ZFHX3: variants seen among roughly 807,000 people sequenced by gnomAD.
ZFHX3 encodes zinc finger homeobox 3.
ZFHX3 carries 42 observed loss-of-function variants against 279.1 expected under a neutral mutation model. The observed-to-expected ratio is 0.15, with a 90% CI of 0.12 to 0.19. The LOEUF is 0.19. Among genes scored for constraint, ZFHX3 ranks in the 10% least tolerant of loss-of-function variants. The probability of loss-of-function intolerance (pLI) is 1.00; values close to 1 mark genes in which losing one functional copy is unlikely to be tolerated. For synonymous variants in ZFHX3, 2,293 were observed against 1,957.8 expected, an observed-to-expected ratio of 1.17 and a Z score of -4.52; for missense variants, 4,981 against 4,754.0, an observed-to-expected ratio of 1.05 and a Z score of -1.40.
chr16:72,940,686 G>C lies in ZFHX3; in HGVS notation c.3216+9783C>G, dbSNP rs532414522. On this transcript the variant is annotated intron_variant, in intron 3 of 9. Coordinates refer to ENST00000268489, the MANE Select transcript of ZFHX3 (RefSeq NM_006885.4). ...ACCCCTTCAGCAACCCCAGTGCACA[G>C]GCCGGCCCTGCCAAGGCAATGTGGG... Among the ~76,000 whole-genome samples, 276 of 152,352 alleles carry C rather than the reference G, an allele frequency of 1.8e-3. 1 individual carries two copies. The highest frequency in any genetic ancestry group is 6.2e-3 in the African/African-American group (256 of 41,590).
At chr16:72,792,947 G>A (rs1346873007) in intron 9 of ZFHX3, among the ~76,000 whole-genome samples, 2 of 152,194 alleles carry the variant, frequency 1.3e-5, no homozygotes, top group Non-Finnish European at 2.9e-5. Flanking sequence ...GAATGAAAGG[G>A]TCTATGATAA....
intron 5 of ZFHX3, among the ~76,000 whole-genome samples, chr16:73,186,729 C>T (rs1054688370): frequency 2.2e-4 from 33 of 151,894 alleles, no homozygotes; most frequent in African/African-American, 7.0e-4. Flanking sequence ...AAAGTTGTTA[C>T]ACAAGTTAAA....
intron 2 of ZFHX3, among the ~76,000 whole-genome samples, chr16:73,481,226 G>A (rs1441612359): frequency 6.6e-6 from 1 of 152,078 alleles, no homozygotes; most frequent in Non-Finnish European, 1.5e-5. Context: ...CTACTTGGAA[G>A]GCTGAGACAG....
At chr16:73,502,618 C>A (rs904297338) in intron 2 of ZFHX3, among the ~76,000 whole-genome samples, 1 of 152,188 alleles carries the variant, frequency 6.6e-6, no homozygotes, top group Non-Finnish European at 1.5e-5. Context: ...GAGAACCACA[C>A]TAAAGTAAGC....
At chr16:73,711,259 C>A (rs2053359982) in intron 1 of ZFHX3, among the ~76,000 whole-genome samples, 1 of 150,268 alleles carries the variant, frequency 6.7e-6, no homozygotes, top group Non-Finnish European at 1.5e-5. Context: ...GAGAGGTGGG[C>A]CAAAAAAAAA....
chr16:72,892,208 G>A (rs2038789874), intron 3 of ZFHX3, among the ~76,000 whole-genome samples: 1 of 152,186 alleles, frequency 6.6e-6, no homozygotes, highest in Non-Finnish European at 1.5e-5. Flanking sequence ...TCATGGGAGG[G>A]GGGTTGAAGC....
chr16:73,016,641 A>G (rs547243392), intron 1 of ZFHX3, among the ~76,000 whole-genome samples: 1 of 152,258 alleles, frequency 6.6e-6, no homozygotes, highest in East Asian at 1.9e-4. Flanking sequence ...ATGTCACCAT[A>G]TGACTAATTT....
intron 2 of ZFHX3, among the ~76,000 whole-genome samples, chr16:73,518,761 C>T (rs143202199): frequency 1.3e-5 from 2 of 152,244 alleles, no homozygotes; most frequent in Admixed American, 6.5e-5. Context: ...CCCGTTCTGC[C>T]GTATTGCCTG....
intron 5 of ZFHX3, among the ~76,000 whole-genome samples, chr16:73,154,047 T>A (rs1967013436): frequency 6.6e-6 from 1 of 152,108 alleles, no homozygotes; most frequent in African/African-American, 2.4e-5. Context: ...TCTGCAGAGA[T>A]TCTGGCTGTC....
chr16:72,958,249 C>A lies in ZFHX3; in HGVS notation c.1897G>T (p.Glu633Ter). 1.9e-6 allele frequency: 3 copies of A among 1,613,864 alleles called. No homozygotes were observed. Among genetic ancestry groups the A allele is most frequent in the Non-Finnish European group, 2.5e-6 (3 of 1,179,748 alleles). ...TCCACGCCACTCCCCGAGGGGCACT[C>A]CCCAACCCCAAGCTCGCAGAGGGAG... ...AGSLCELGVG[E>*]CPSGSGVECP... The change falls in exon 2 of 10, where the codon GAG becomes TAG. Residue 633 changes from glutamate to a stop codon, truncating the protein, a stop_gained. Transcript: ENST00000268489. LOFTEE classifies it high-confidence loss of function.
At chr16:72,879,919 G>A (rs2038417806) in intron 4 of ZFHX3, among the ~76,000 whole-genome samples, 1 of 152,228 alleles carries the variant, frequency 6.6e-6, no homozygotes, top group African/African-American at 2.4e-5. Flanking sequence ...AGGGCTGTGT[G>A]AGAACAGGCA....
intron 3 of ZFHX3, among the ~76,000 whole-genome samples, chr16:72,895,124 C>T (rs900362439): frequency 5.3e-5 from 8 of 152,166 alleles, no homozygotes; most frequent in Admixed American, 3.3e-4. Flanking sequence ...ACTGCATGCA[C>T]GCGCACACAC....
chr16:73,374,251 T>C (rs1024481335), intron 3 of ZFHX3, among the ~76,000 whole-genome samples: 48 of 152,210 alleles, frequency 3.2e-4, no homozygotes, highest in African/African-American at 9.6e-4. Flanking sequence ...GTATAGTATA[T>C]GAAATTATAT....
intron 3 of ZFHX3, among the ~76,000 whole-genome samples, chr16:73,431,910 C>A (rs1181159988): frequency 2.0e-5 from 3 of 152,040 alleles, no homozygotes; most frequent in African/African-American, 7.2e-5. Context: ...GACCTTGGGA[C>A]TCTAGTTTCA....
intron 1 of ZFHX3, among the ~76,000 whole-genome samples, chr16:72,995,690 C>T (rs1175379560): frequency 6.6e-6 from 1 of 152,136 alleles, no homozygotes; most frequent in Non-Finnish European, 1.5e-5. Flanking sequence ...GCCCACAAAC[C>T]CCGCGCTGGG....
chr16:73,307,008 C>G (rs2015197873), intron 4 of ZFHX3, among the ~76,000 whole-genome samples: 1 of 152,220 alleles, frequency 6.6e-6, no homozygotes, highest in South Asian at 2.1e-4. Context: ...ACAACAAGAA[C>G]AGCAAGACCA....
At chr16:73,861,613 G>C (rs912841117) in intron 1 of ZFHX3, among the ~76,000 whole-genome samples, 4 of 152,264 alleles carry the variant, frequency 2.6e-5, no homozygotes. Context: ...ACTCCCAGTA[G>C]TGGGCCATTG....
At chr16:73,481,634 GTTTGTTTGTTTGTT>G (rs1448842102) in intron 2 of ZFHX3, among the ~76,000 whole-genome samples, 2 of 141,722 alleles carry the variant, frequency 1.4e-5, no homozygotes, top group African/African-American at 5.8e-5. Context: ...GTTGTTGTTT[GTTTGTTTGTTTGTT>G]TTTGTTTGTT....
chr16:73,363,811 T>C (rs191101184), intron 3 of ZFHX3, among the ~76,000 whole-genome samples: 1 of 152,276 alleles, frequency 6.6e-6, no homozygotes, highest in Admixed American at 6.5e-5. Flanking sequence ...ATCCCTGGCC[T>C]CATGGAGCTG....
Sources: gnomAD v4.1 joint callset for allele counts (sites outside exome capture counted in the v4.1 genomes callset) on GRCh38, gnomAD v4.1.1 for gene constraint, MANE v1.5 for transcripts, NCBI Gene and HGNC (gene_info 2026-07-23, HGNC 2026-07-21) for gene names.